Variants in CCDC30 observed in about 807,000 individuals in gnomAD.
CCDC30 encodes coiled-coil domain containing 30.
In CCDC30, 70 loss-of-function variants were observed where a neutral mutation model predicts 100.2. The observed-to-expected ratio is 0.70, with a 90% CI of 0.58 to 0.85. The LOEUF is 0.85. CCDC30 is among the 40% of genes least tolerant of loss of function. CCDC30 has a pLI of 0.00. For synonymous variants in CCDC30, 233 were observed against 269.5 expected (o/e 0.86, Z 1.33); for missense variants, 652 against 771.2 (o/e 0.85, Z 1.83).
chr1:42,567,170 A>T (rs1303540910), intron 7 of CCDC30, among the ~76,000 whole-genome samples: 1 of 143,492 alleles, frequency 7.0e-6, no homozygotes, highest in African/African-American at 2.7e-5. Context: ...AAAAATCCTT[A>T]TCCCCATGGT....
Position 42,497,025 on chromosome 1 carries a change from C to A in CCDC30, c.242-73C>A. ...AGGGCAGGCTAAATAGCACTTCCTTCGTTTTTAGAGTTAGTGCCCCTGAAA... is the reference window on the plus strand; with the variant it reads ...AGGGCAGGCTAAATAGCACTTCCTTAGTTTTTAGAGTTAGTGCCCCTGAAA... On this transcript the variant is annotated intron_variant, in intron 4 of 16. Coordinates refer to ENST00000668663, the Ensembl canonical transcript of CCDC30. 5.6e-6 allele frequency: 4 copies of A among 708,874 alleles called. No homozygotes were observed. In the East Asian group the frequency reaches 1.4e-4, roughly 24 times the overall value. 43.9% of individuals were successfully genotyped at this position (708,874 alleles called of 1,614,324 possible).
intron 10 of CCDC30, among the ~76,000 whole-genome samples, chr1:42,607,687 T>C (rs1646530648): frequency 1.3e-5 from 2 of 151,040 alleles, no homozygotes; most frequent in Non-Finnish European, 2.9e-5. Flanking sequence ...CATGTATTAG[T>C]AAGGAAAATC....
intron 6 of CCDC30, among the ~76,000 whole-genome samples, chr1:42,523,273 A>G (rs1195948498): frequency 6.6e-6 from 1 of 152,202 alleles, no homozygotes; most frequent in Non-Finnish European, 1.5e-5. Context: ...GGTATAACGT[A>G]AACAACTTTA....
intron 6 of CCDC30, among the ~76,000 whole-genome samples, chr1:42,549,669 A>G (rs952358290): frequency 6.6e-6 from 1 of 152,214 alleles, no homozygotes. Flanking sequence ...AATGCCAGAC[A>G]CATAGTAGGT....
intron 6 of CCDC30, chr1:42,537,815 CA>C: frequency 6.3e-6 from 1 of 157,658 alleles, no homozygotes; most frequent in Non-Finnish European, 1.4e-5. Context: ...CCCGAAAATA[CA>C]AAATTAGCCA....
chr1:42,589,414 A>G, exon 10 of CCDC30: 1 of 1,614,044 alleles, frequency 6.2e-7, no homozygotes. Flanking sequence ...GTTCTCAGCA[A>G]CAATCCAGAA....
chr1:42,655,547 G>T (rs891193840), downstream of CCDC30, among the ~76,000 whole-genome samples: 1 of 151,586 alleles, frequency 6.6e-6, no homozygotes, highest in African/African-American at 2.4e-5. Flanking sequence ...ACTCCATCTC[G>T]AAAAAATAAA....
chr1:42,495,963 A>G (rs970518203), intron 4 of CCDC30, among the ~76,000 whole-genome samples: 2 of 152,228 alleles, frequency 1.3e-5, no homozygotes, highest in African/African-American at 4.8e-5. Context: ...AGATTGTTAA[A>G]TAAGTGACTA....
At chr1:42,634,073 T>C (rs976856057) in intron 11 of CCDC30, among the ~76,000 whole-genome samples, 1 of 151,920 alleles carries the variant, frequency 6.6e-6, no homozygotes, top group Admixed American at 6.6e-5. Context: ...TCCCACCAGG[T>C]ATCACCTCCC....
chr1:42,566,924 G>C (rs1645617925), intron 7 of CCDC30, among the ~76,000 whole-genome samples: 1 of 152,104 alleles, frequency 6.6e-6, no homozygotes, highest in African/African-American at 2.4e-5. Context: ...CCAAAAGCTT[G>C]TTTAAAAATA....
At chr1:42,543,323 G>T (rs1408159833) in intron 6 of CCDC30, among the ~76,000 whole-genome samples, 3 of 143,922 alleles carry the variant, frequency 2.1e-5, no homozygotes, top group African/African-American at 5.2e-5. Flanking sequence ...TTCCTACCTT[G>T]CTTTCTTTTC....
chr1:42,642,755 A>G, intron 13 of CCDC30, 146 bp downstream of exon 17: 1 of 742,634 alleles, frequency 1.3e-6, no homozygotes, highest in South Asian at 5.1e-5. Flanking sequence ...GGCAGATCAT[A>G]CAAGTGGCAG....
intron 10 of CCDC30, among the ~76,000 whole-genome samples, chr1:42,606,811 T>C (rs1014482314): frequency 6.6e-6 from 1 of 152,176 alleles, no homozygotes; most frequent in Admixed American, 6.5e-5. Context: ...GCTTCATAGG[T>C]ACCATAGATG....
intron 6 of CCDC30, among the ~76,000 whole-genome samples, chr1:42,520,334 T>A (rs1644618653): frequency 6.6e-6 from 1 of 151,046 alleles, no homozygotes; most frequent in Admixed American, 6.8e-5. Flanking sequence ...TTCTTTCTTT[T>A]CTCTTTTTTT....
At chr1:42,543,479 C>A (rs765911447) in intron 6 of CCDC30, among the ~76,000 whole-genome samples, 2 of 151,892 alleles carry the variant, frequency 1.3e-5, no homozygotes, top group Non-Finnish European at 2.9e-5. Flanking sequence ...TACCACCACA[C>A]CTGGCTAATT....
rs138269122 is a variant in CCDC30 at position 42,531,406 on chromosome 1, G to A, written c.456+32490G>A. On this transcript the variant is annotated intron_variant, in intron 6 of 16. Coordinates refer to ENST00000668663, the Ensembl canonical transcript of CCDC30. ...GCAAGAATGAACTAGCATAGATGGT[G>A]TACTGGTTAACTTCATATGTCAACT... is the stretch of plus-strand genomic sequence containing the variant. Among the ~76,000 whole-genome samples, 178 of 152,294 alleles carry A rather than the reference G, an allele frequency of 1.2e-3. 2 individuals carry two copies. In the South Asian group the frequency reaches 0.021, roughly 18 times the overall value.
chr1:42,591,238 G>C (rs1430473164), intron 10 of CCDC30: 2 of 152,236 alleles, frequency 1.3e-5, no homozygotes, highest in African/African-American at 4.8e-5. Context: ...CAAGACAATG[G>C]GAAAAGGCCT....
chr1:42,557,717 A>T (rs116836856), intron 6 of CCDC30, among the ~76,000 whole-genome samples: 19,732 of 139,272 alleles, frequency 0.14, 1,478 homozygotes, highest in East Asian at 0.17. Context: ...TAAAATATGT[A>T]AATAATAAAA....
At chr1:42,609,969 G>A (rs1027504126) in intron 10 of CCDC30, among the ~76,000 whole-genome samples, 1 of 152,114 alleles carries the variant, frequency 6.6e-6, no homozygotes, top group Non-Finnish European at 1.5e-5. Flanking sequence ...TGGATATATC[G>A]GTCTTCTGAC....
Sources: gnomAD v4.1 joint callset for allele counts (sites outside exome capture counted in the v4.1 genomes callset) on GRCh38, gnomAD v4.1.1 for gene constraint, MANE v1.5 for transcripts, NCBI Gene and HGNC (gene_info 2026-07-23, HGNC 2026-07-21) for gene names.